Variants in RNF38 observed in about 807,000 individuals in gnomAD.
RNF38 encodes ring finger protein 38.
Under a neutral mutation model 67.2 loss-of-function variants are expected in RNF38, and 15 were observed. The observed-to-expected ratio is 0.22, with a 90% confidence interval of 0.15 to 0.34. The LOEUF (loss-of-function observed/expected upper bound fraction) is 0.34, where lower values mean the gene tolerates loss of function less well. RNF38 is among the 10% of genes least tolerant of loss of function. The pLI, the probability that RNF38 is intolerant of heterozygous loss-of-function variation, is 1.00. For synonymous variants in RNF38, 220 were observed against 218.8 expected (o/e 1.01, Z -0.05); for missense variants, 524 against 639.9 (o/e 0.82, Z 1.95).
chr9:36,418,447 G>A (rs1363355115), intron 2 of RNF38, among the ~76,000 whole-genome samples: 1 of 151,986 alleles, frequency 6.6e-6, no homozygotes, highest in Non-Finnish European at 1.5e-5. Flanking sequence ...GAGGACAGGA[G>A]CTGAAGACCA....
Position 36,411,271 on chromosome 9 carries a change from G to C in RNF38, n.312+13342C>G, listed in dbSNP as rs529603077. ...AAAAAAATTAAAAAGAAAATAACAA[G>C]TGTTGGCGAGGATTTGGAGAAACTG... On this transcript the variant is annotated intron_variant and non_coding_transcript_variant, in intron 2 of 3. Coordinates refer to the RNF38 transcript ENST00000488058. Among the ~76,000 whole-genome samples the C allele has an allele frequency of 2.7e-4, 41 of 151,822 alleles. 1 individual carries two copies. The highest frequency in any genetic ancestry group is 9.7e-4 in the African/African-American group (40 of 41,412).
intron 2 of RNF38, among the ~76,000 whole-genome samples, chr9:36,423,177 T>C (rs1436048201): frequency 3.9e-5 from 6 of 152,216 alleles, no homozygotes; most frequent in African/African-American, 1.4e-4. Context: ...CTATATATTC[T>C]AGAAGTCTCT....
chr9:36,464,056 A>G (rs1839801017), intron 1 of RNF38, among the ~76,000 whole-genome samples: 1 of 151,884 alleles, frequency 6.6e-6, no homozygotes, highest in Non-Finnish European at 1.5e-5. Flanking sequence ...ACTCCCAGGT[A>G]CTCAGGTTGA....
At chr9:36,411,972 A>G (rs1838338352) in intron 2 of RNF38, among the ~76,000 whole-genome samples, 1 of 152,214 alleles carries the variant, frequency 6.6e-6, no homozygotes, top group Non-Finnish European at 1.5e-5. Flanking sequence ...CCAGTTACAA[A>G]AAGAAAAACA....
intron 2 of RNF38, among the ~76,000 whole-genome samples, chr9:36,410,708 C>T (rs1263060299): frequency 6.6e-6 from 1 of 152,176 alleles, no homozygotes; most frequent in African/African-American, 2.4e-5. Flanking sequence ...TTCAACAACC[C>T]TATTTTCTAT....
intron 6 of RNF38, 131 bp from the exon 7 acceptor site, chr9:36,353,462 T>C (rs137942788): frequency 9.5e-6 from 5 of 525,840 alleles, no homozygotes; most frequent in Non-Finnish European, 1.6e-5. Context: ...TCTCTTGATA[T>C]TCACATGAAT....
rs190599111 is a variant in RNF38, at chr9:36,415,028, A to C, written n.312+9585T>G. 4.0e-3 allele frequency among the ~76,000 whole-genome samples: 610 copies of C among 152,230 alleles called. 3 individuals carry two copies. Among genetic ancestry groups the C allele is most frequent in the African/African-American group, 0.013 (522 of 41,558 alleles). Reference sequence around the variant, plus strand: ...CCTGATGACTGTGTGCCTAGGTGATAATCTTTTTGCAATGCATTTCCCAGG... The same window carrying C: ...CCTGATGACTGTGTGCCTAGGTGATCATCTTTTTGCAATGCATTTCCCAGG... On this transcript the variant is annotated intron_variant and non_coding_transcript_variant, in intron 2 of 3. Transcript: ENST00000488058.
chr9:36,385,826 G>A (rs879611775), intron 2 of RNF38, among the ~76,000 whole-genome samples: 4 of 152,116 alleles, frequency 2.6e-5, no homozygotes, highest in African/African-American at 7.2e-5. Flanking sequence ...TTGGCACGTC[G>A]CACAACCAAC....
intron 4 of RNF38, among the ~76,000 whole-genome samples, chr9:36,358,447 A>C (rs144049538): frequency 6.6e-6 from 1 of 152,322 alleles, no homozygotes; most frequent in East Asian, 1.9e-4. Context: ...TTCTCCATGA[A>C]CATATGAAAG....
At chr9:36,399,585 C>G (rs1217208210) in intron 1 of RNF38, among the ~76,000 whole-genome samples, 1 of 149,596 alleles carries the variant, frequency 6.7e-6, no homozygotes, top group Non-Finnish European at 1.5e-5. Context: ...GACACAATTC[C>G]CAGGTAAACT....
intron 1 of RNF38, among the ~76,000 whole-genome samples, chr9:36,435,146 A>G (rs924019953): frequency 6.6e-6 from 1 of 152,218 alleles, no homozygotes; most frequent in African/African-American, 2.4e-5. Flanking sequence ...AACTGATCAC[A>G]CTGTCTCTAT....
In RNF38 at chr9:36,353,272, A is replaced by G. The variant is rs1360264734; in HGVS notation, c.969T>C (p.Gly323=). Residue 323 remains glycine, a synonymous_variant, in exon 7 of 12, where the codon GGT becomes GGC. Transcript: ENST00000259605. ...GGTGGGCTGATGGAGGGTAAGTAAAACCTCCTACTGGAAGATGTTCTCCTA... is the reference window on the plus strand; with the variant it reads ...GGTGGGCTGATGGAGGGTAAGTAAAGCCTCCTACTGGAAGATGTTCTCCTA... The part of the protein sequence containing the change: ...ELLGEHLPVG[G]FTYPPSAHPP... 1 of 1,612,574 alleles carries G rather than the reference A, an allele frequency of 6.2e-7. No individual in the cohort carries two copies. Among genetic ancestry groups the G allele is most frequent in the East Asian group, 2.2e-5 (1 of 44,858 alleles).
intron 4 of RNF38, 40 bp from the exon 5 acceptor site, chr9:36,357,982 A>G (rs1281881900): frequency 6.4e-7 from 1 of 1,562,194 alleles, no homozygotes; most frequent in Non-Finnish European, 8.8e-7. Context: ...TTAGCTGTTT[A>G]GATAAAATGT....
chr9:36,414,876 T>C (rs186006689), intron 2 of RNF38, among the ~76,000 whole-genome samples: 31 of 152,316 alleles, frequency 2.0e-4, no homozygotes, highest in Non-Finnish European at 4.0e-4. Context: ...AGGCTAAACA[T>C]AGGACTCCAA....
rs1393312441 is a variant in RNF38, at chr9:36,338,203, G to GA, written c.*1548dup. Reference sequence around the variant, plus strand: ...TGAGAAAGTAATTTAAACATTGCTGGAAAAATGACTTTAAAGTGAATTATG... The same window carrying GA: ...TGAGAAAGTAATTTAAACATTGCTGGAAAAAATGACTTTAAAGTGAATTATG... On this transcript the variant is annotated 3_prime_UTR_variant, in exon 12 of 12. Coordinates refer to ENST00000259605, the MANE Select transcript of RNF38 (RefSeq NM_022781.5). The GA allele has an allele frequency of 1.3e-5, 2 of 152,024 alleles. No individual in the cohort carries two copies. The highest frequency in any genetic ancestry group is 2.9e-5 in the Non-Finnish European group (2 of 68,010). 9.4% of individuals were successfully genotyped at this position (152,024 alleles called of 1,614,324 possible). A position where few individuals can be genotyped will look rare whatever the true frequency, so the allele number is the denominator to read the frequency against.
intron 1 of RNF38, among the ~76,000 whole-genome samples, chr9:36,450,054 CT>C (rs1411929460): frequency 8.5e-5 from 13 of 152,146 alleles, no homozygotes; most frequent in Non-Finnish European, 1.8e-4. Flanking sequence ...CTATCCCTTT[CT>C]TTTGTATTTT....
At chr9:36,439,805 A>C (rs1035176750) in intron 1 of RNF38, among the ~76,000 whole-genome samples, 2 of 151,780 alleles carry the variant, frequency 1.3e-5, no homozygotes, top group Admixed American at 6.6e-5. Context: ...AAAAAAAAAA[A>C]AAAAAACTTA....
chr9:36,485,874 A>G (rs551993797), intron 1 of RNF38, among the ~76,000 whole-genome samples: 1 of 152,166 alleles, frequency 6.6e-6, no homozygotes, highest in Admixed American at 6.5e-5. Flanking sequence ...CCTTAGAACA[A>G]GAGCGAGAAT....
At chr9:36,397,015 G>A (rs1837561274) in intron 1 of RNF38, among the ~76,000 whole-genome samples, 2 of 145,782 alleles carry the variant, frequency 1.4e-5, no homozygotes, top group Admixed American at 6.8e-5. Context: ...TTATATATGT[G>A]TGTGTGTGTG....
Sources: gnomAD v4.1 joint callset for allele counts (sites outside exome capture counted in the v4.1 genomes callset) on GRCh38, gnomAD v4.1.1 for gene constraint, MANE v1.5 for transcripts, NCBI Gene and HGNC (gene_info 2026-07-23, HGNC 2026-07-21) for gene names.